The following SDK1 variants were observed in gnomAD, a reference collection of about 807,000 sequenced individuals.
SDK1 encodes sidekick cell adhesion molecule 1.
A neutral mutation model predicts 245.5 loss-of-function variants in SDK1; 157 were observed. That is an observed-to-expected ratio of 0.64 (90% CI 0.56 to 0.73). The LOEUF (loss-of-function observed/expected upper bound fraction) is 0.73. Ranked by LOEUF, SDK1 falls within the 30% of genes least tolerant of loss-of-function variation. SDK1 has a pLI of 0.00. For missense variants in SDK1, 3,583 were observed against 3,002.3 expected (o/e 1.19, Z -4.52); for synonymous variants, 1,647 against 1,278.5 (o/e 1.29, Z -6.15).
At chr7:3,536,893 CAGT>C (rs919680200) in intron 1 of SDK1, among the ~76,000 whole-genome samples, 2 of 152,148 alleles carry the variant, frequency 1.3e-5, no homozygotes, top group Non-Finnish European at 2.9e-5. Context: ...AATTATGAAT[CAGT>C]AGTTGTTTAG....
intron 1 of SDK1, among the ~76,000 whole-genome samples, chr7:3,459,917 G>A (rs979520911): frequency 2.6e-5 from 4 of 152,190 alleles, no homozygotes; most frequent in East Asian, 3.8e-4. Flanking sequence ...TTTTCAATAT[G>A]TAATTTGCTT....
chr7:3,795,434 G>C (rs1312863344), intron 4 of SDK1, among the ~76,000 whole-genome samples: 3 of 152,094 alleles, frequency 2.0e-5, no homozygotes, highest in African/African-American at 4.8e-5. Context: ...AAAGGCATGT[G>C]AGAGTCTGGA....
rs114452610 is a variant in SDK1, at chr7:3,714,523, T to G, written c.713+72418T>G. Among the ~76,000 whole-genome samples, 942 of 152,338 alleles carry G rather than the reference T, an allele frequency of 6.2e-3. 8 individuals are homozygous for G. The highest frequency in any genetic ancestry group is 0.021 in the African/African-American group (886 of 41,566). On this transcript the variant is annotated intron_variant, in intron 4 of 44. Coordinates refer to ENST00000404826, the MANE Select transcript of SDK1 (RefSeq NM_152744.4). ...ATTTGCTCATTTCACATCAGTCCTT[T>G]AAGTGCTTTGCATTTTGTTACATCT... is the stretch of plus-strand genomic sequence containing the variant.
rs180983719 is a variant in SDK1, at chr7:3,477,477, C to T, written c.299-141603C>T. ...AAAGTGTTGGGATTACACGTGTGAG[C>T]CACCCTGCTCGGCCTATGGTTTTGT... On this transcript the variant is annotated intron_variant, in intron 1 of 44. Transcript: ENST00000404826. Among the ~76,000 whole-genome samples the T allele has an allele frequency of 2.0e-5, 3 of 150,948 alleles. No homozygotes were observed. The East Asian group carries it at 5.9e-4, about 29-fold the overall frequency.
chr7:3,398,463 G>C (rs1439718150), intron 1 of SDK1, among the ~76,000 whole-genome samples: 3 of 151,830 alleles, frequency 2.0e-5, no homozygotes, highest in African/African-American at 7.3e-5. Flanking sequence ...AGAGGGGACT[G>C]AGTTGTATAA....
chr7:3,813,246 T>A (rs1779428793), intron 4 of SDK1, among the ~76,000 whole-genome samples: 1 of 139,838 alleles, frequency 7.2e-6, no homozygotes, highest in Non-Finnish European at 1.6e-5. Flanking sequence ...TATCTCCCAA[T>A]GCTATCCCTC....
chr7:3,904,087 G>T (rs1781884026), intron 5 of SDK1, among the ~76,000 whole-genome samples: 1 of 152,140 alleles, frequency 6.6e-6, no homozygotes, highest in Admixed American at 6.5e-5. Context: ...AAACCACCCA[G>T]TCTCAGGTAT....
Position 3,716,815 on chromosome 7 carries a change from A to C in SDK1, c.713+74710A>C, listed in dbSNP as rs144300197. ...GGAAAAATCAAACTAAGGAAAAATC[A>C]GATAATGTGTTGCTATAATAGTTAA... On this transcript the variant is annotated intron_variant, in intron 4 of 44. Transcript: ENST00000404826. 1.3e-3 allele frequency among the ~76,000 whole-genome samples: 200 copies of C among 152,144 alleles called. 2 individuals are homozygous for C. Among genetic ancestry groups the C allele is most frequent in the African/African-American group, 4.6e-3 (193 of 41,532 alleles).
At chr7:4,069,495 C>T (rs962741574) in intron 20 of SDK1, among the ~76,000 whole-genome samples, 5 of 152,348 alleles carry the variant, frequency 3.3e-5, no homozygotes, top group Admixed American at 6.5e-5. Flanking sequence ...CGTCCTGACG[C>T]GAGCGGTCAG....
rs146760837 is a variant in SDK1, at chr7:3,794,801, A to C, written c.714-26649A>C. Among the ~76,000 whole-genome samples the C allele has an allele frequency of 2.4e-3, 368 of 152,352 alleles. 3 individuals are homozygous for C. Among genetic ancestry groups the C allele is most frequent in the African/African-American group, 8.1e-3 (337 of 41,582 alleles). On this transcript the variant is annotated intron_variant, in intron 4 of 44. Transcript: ENST00000404826. Reference sequence around the variant, plus strand: ...TCAACACAGGATGCATCCATGCTCTACGTGGACATCATCCTCTTTCCTCCA... The same window carrying C: ...TCAACACAGGATGCATCCATGCTCTCCGTGGACATCATCCTCTTTCCTCCA...
intron 1 of SDK1, among the ~76,000 whole-genome samples, chr7:3,345,149 G>T (rs1250911272): frequency 1.3e-5 from 2 of 152,184 alleles, no homozygotes. Context: ...TACACAGAGG[G>T]CATGTTATTA....
In SDK1 at chr7:3,986,787, G is replaced by A. The variant is rs552777906; in HGVS notation, c.1995-399G>A. Among the ~76,000 whole-genome samples, 3 of 152,332 alleles carry A rather than the reference G, an allele frequency of 2.0e-5. No homozygotes were observed. In the South Asian group the frequency reaches 6.2e-4, roughly 32 times the overall value. On this transcript the variant is annotated intron_variant, in intron 13 of 44. Transcript: ENST00000404826. ...GAGGCAGAGAATTGCTTGAACCCAG[G>A]AGGCGGAGGTTGCAGTGAGCCGAGC...
intron 35 of SDK1, among the ~76,000 whole-genome samples, chr7:4,193,605 C>T (rs1186107530): frequency 6.6e-6 from 1 of 151,888 alleles, no homozygotes; most frequent in East Asian, 1.9e-4. Flanking sequence ...GGTCCATGCC[C>T]TCACTTTAAT....
chr7:3,327,386 G>A (rs778776408), intron 1 of SDK1, among the ~76,000 whole-genome samples: 1 of 152,112 alleles, frequency 6.6e-6, no homozygotes, highest in Non-Finnish European at 1.5e-5. Context: ...CTCTCTGGCT[G>A]CTTAGCTTTT....
intron 4 of SDK1, among the ~76,000 whole-genome samples, chr7:3,812,852 T>C (rs1779418706): frequency 6.6e-6 from 1 of 152,268 alleles, no homozygotes; most frequent in Non-Finnish European, 1.5e-5. Flanking sequence ...TGGTCTGTGC[T>C]AGGGATTCAT....
chr7:4,173,691 T>C (rs1584365361), intron 32 of SDK1, among the ~76,000 whole-genome samples: 1 of 152,174 alleles, frequency 6.6e-6, no homozygotes, highest in East Asian at 1.9e-4. Context: ...CCAGCCATCA[T>C]GCGAGGGGCC....
At chr7:3,438,189 C>A (rs954187430) in intron 1 of SDK1, among the ~76,000 whole-genome samples, 4 of 152,120 alleles carry the variant, frequency 2.6e-5, no homozygotes, top group African/African-American at 9.7e-5. Context: ...TTTTATGTAT[C>A]ATAGTTAATA....
Position 4,238,237 on chromosome 7 carries a change from G to A in SDK1, c.6130+453G>A, listed in dbSNP as rs540830538. Among the ~76,000 whole-genome samples the A allele has an allele frequency of 2.8e-4, 43 of 152,050 alleles. 1 individual carries two copies. The South Asian group carries it at 7.1e-3, about 25-fold the overall frequency. ...TGGGATTACAGGCGCCTGCCACTAC[G>A]CCCGGCTAATTTTTGTATTTTTAGT... On this transcript the variant is annotated intron_variant, in intron 42 of 44. Transcript: ENST00000404826.
intron 5 of SDK1, among the ~76,000 whole-genome samples, chr7:3,942,534 C>G (rs1040590638): frequency 3.3e-5 from 5 of 152,198 alleles, no homozygotes; most frequent in African/African-American, 4.8e-5. Flanking sequence ...AGCCAAAGAA[C>G]ATATTGCTCA....
Sources: gnomAD v4.1 joint callset for allele counts (sites outside exome capture counted in the v4.1 genomes callset) on GRCh38, gnomAD v4.1.1 for gene constraint, MANE v1.5 for transcripts, NCBI Gene and HGNC (gene_info 2026-07-23, HGNC 2026-07-21) for gene names.